Variants in CCDC186 observed in about 807,000 individuals in gnomAD.
The protein encoded by CCDC186 is coiled-coil domain containing 186, also known as coiled-coil domain-containing protein 186.
A neutral mutation model predicts 113.7 loss-of-function variants in CCDC186; 49 were observed. That is an observed-to-expected ratio of 0.43 (90% CI 0.34 to 0.55). The LOEUF (loss-of-function observed/expected upper bound fraction) is 0.55. Ranked by LOEUF, CCDC186 falls within the 20% of genes least tolerant of loss-of-function variation. The pLI, the probability that CCDC186 is intolerant of heterozygous loss-of-function variation, is 0.02. For synonymous variants in CCDC186, 355 were observed against 345.8 expected, an observed-to-expected ratio of 1.03 and a Z score of -0.30; for missense variants, 890 against 1,011.1, an observed-to-expected ratio of 0.88 and a Z score of 1.62.
intron 1 of CCDC186, among the ~76,000 whole-genome samples, chr10:114,170,606 G>A (rs924046690): frequency 6.6e-6 from 1 of 152,144 alleles, no homozygotes; most frequent in African/African-American, 2.4e-5. Context: ...TTACAGATGT[G>A]AGCCACCATG....
At chr10:114,153,975 TG>T (rs1181762432) in intron 3 of CCDC186, among the ~76,000 whole-genome samples, 5 of 150,418 alleles carry the variant, frequency 3.3e-5, no homozygotes. Context: ...TTTGGGAGGC[TG>T]AGGCAGGTGG....
rs995943094 is a variant in CCDC186 at position 114,122,995 on chromosome 10, G to A, written c.*2148C>T. The A allele has an allele frequency of 2.0e-5, 3 of 152,290 alleles. No homozygotes were observed. In the South Asian group the frequency reaches 6.2e-4, roughly 32 times the overall value. 9.4% of individuals were successfully genotyped at this position (152,290 alleles called of 1,614,324 possible). On this transcript the variant is annotated 3_prime_UTR_variant, in exon 16 of 16. Transcript: ENST00000369287. Reference sequence around the variant, plus strand: ...CTAAAATGTATATACATTTTAAAGTGTATAGGCATAGGATACTATGGATCA... The same window carrying A: ...CTAAAATGTATATACATTTTAAAGTATATAGGCATAGGATACTATGGATCA...
Position 114,132,097 on chromosome 10 carries a change from A to G in CCDC186, c.1743T>C (p.Ser581=). The G allele has an allele frequency of 1.9e-6, 3 of 1,613,464 alleles. No individual in the cohort carries two copies. Among genetic ancestry groups the G allele is most frequent in the Non-Finnish European group, 1.7e-6 (2 of 1,179,748 alleles). ...INDLQKDIEG[S]RKRESELLLF... Reference sequence around the variant, plus strand: ...GCAGCAGCTCAGATTCTCTTTTCCTACTGCCTTCGATGTCTTTTTGTAGGT... The same window carrying G: ...GCAGCAGCTCAGATTCTCTTTTCCTGCTGCCTTCGATGTCTTTTTGTAGGT... Residue 581 remains serine (S), a synonymous_variant, in exon 11 of 16, where the codon AGT becomes AGC. Coordinates refer to ENST00000369287, the MANE Select transcript of CCDC186 (RefSeq NM_018017.4).
At chr10:114,164,106 A>G (rs370396533) in intron 1 of CCDC186, among the ~76,000 whole-genome samples, 1,548 of 66,202 alleles carry the variant, frequency 0.023, 33 homozygotes, top group African/African-American at 0.08. Flanking sequence ...GTGTGTGTAT[A>G]TATATATATT....
At chr10:114,134,565 C>A (rs2031194831) in intron 10 of CCDC186, among the ~76,000 whole-genome samples, 1 of 152,166 alleles carries the variant, frequency 6.6e-6, no homozygotes, top group African/African-American at 2.4e-5. Flanking sequence ...GGATCTTAAG[C>A]TACACACGTG....
At position 114,162,733 on chromosome 10, in the gene CCDC186, C is replaced by T. The variant is rs12782946; in HGVS notation, c.536G>A (p.Arg179Gln). 0.073 allele frequency: 118,332 copies of T among 1,613,686 alleles called. 4,984 individuals carry two copies. The highest frequency in any genetic ancestry group is 0.086 in the Non-Finnish European group (101,574 of 1,179,792). Residue 179 changes from arginine (R) to glutamine (Q), a missense_variant, in exon 2 of 16, where the codon CGA (arginine) becomes CAA (glutamine). Coordinates refer to ENST00000369287, the MANE Select transcript of CCDC186 (RefSeq NM_018017.4). Reference protein sequence around the residue: ...ELLSTEFAEHRVPNGMNKGEH... With the variant: ...ELLSTEFAEHQVPNGMNKGEH... ...TCCCTTATTCATTCCATTTGGTACT[C>T]GATGTTCTGCAAACTCCGTAGATAA...
chr10:114,137,320 G>C, intron 6 of CCDC186, 30 bp from the exon 7 acceptor site: 1 of 1,541,778 alleles, frequency 6.5e-7, no homozygotes, highest in African/African-American at 1.4e-5. Context: ...AGACACAGTT[G>C]GGTACAGCAA....
rs1270191512 is a variant in CCDC186 at position 114,123,400 on chromosome 10, A to C, written c.*1743T>G. ...AAAAAAGACATTCATTAAATAATCT[A>C]ATCCTTAGTAAATTATTTTTAAACG... On this transcript the variant is annotated 3_prime_UTR_variant, in exon 16 of 16. Transcript: ENST00000369287. The C allele has an allele frequency of 6.6e-6, 1 of 152,214 alleles. No individual in the cohort carries two copies. Among genetic ancestry groups the C allele is most frequent in the Non-Finnish European group, 1.5e-5 (1 of 68,034 alleles). The allele number at this position is 152,214 out of a possible 1,614,324, so 9.4% of individuals were successfully genotyped here.
chr10:114,137,572 A>C (rs1472789068), intron 6 of CCDC186, among the ~76,000 whole-genome samples: 1 of 152,216 alleles, frequency 6.6e-6, no homozygotes, highest in African/African-American at 2.4e-5. Context: ...CACACATCAA[A>C]GACAATTCTT....
intron 4 of CCDC186, among the ~76,000 whole-genome samples, chr10:114,147,565 T>C (rs1345398114): frequency 2.0e-5 from 3 of 152,162 alleles, no homozygotes; most frequent in African/African-American, 7.2e-5. Flanking sequence ...ATTTGGTGTG[T>C]TGGCTGGAGT....
At chr10:114,127,880 G>A (rs531951905) in intron 13 of CCDC186, among the ~76,000 whole-genome samples, 1 of 152,192 alleles carries the variant, frequency 6.6e-6, no homozygotes, top group Admixed American at 6.5e-5. Flanking sequence ...CTCTCAGGAA[G>A]TGGTAATAGA....
chr10:114,159,535 C>T (rs1215914748), intron 2 of CCDC186, among the ~76,000 whole-genome samples: 2 of 148,364 alleles, frequency 1.3e-5, no homozygotes, highest in African/African-American at 5.0e-5. Context: ...CCCAGCTACT[C>T]AGGAGGCTGA....
Position 114,120,903 on chromosome 10 carries a change from C to A in CCDC186, c.*4240G>T, listed in dbSNP as rs982733918. The A allele has an allele frequency of 6.6e-6, 1 of 152,042 alleles. No individual in the cohort carries two copies. Among genetic ancestry groups the A allele is most frequent in the South Asian group, 2.1e-4 (1 of 4,830 alleles). 9.4% of individuals were successfully genotyped at this position (152,042 alleles called of 1,614,324 possible). ...ACCTATTTAATAAGTACAATATATA[C>A]ATAGAATCCTCTTGAAAAGTTTCAT... On this transcript the variant is annotated 3_prime_UTR_variant, in exon 16 of 16. Transcript: ENST00000369287.
intron 6 of CCDC186, among the ~76,000 whole-genome samples, chr10:114,142,085 T>G (rs925278884): frequency 6.6e-6 from 1 of 152,258 alleles, no homozygotes; most frequent in African/African-American, 2.4e-5. Flanking sequence ...GCAAAGCAAA[T>G]AAGAAGCCCA....
At chr10:114,158,372 A>T (rs2119817660) in intron 2 of CCDC186, among the ~76,000 whole-genome samples, 1 of 152,324 alleles carries the variant, frequency 6.6e-6, no homozygotes, top group East Asian at 1.9e-4. Flanking sequence ...AGTGCTTAGA[A>T]ATGTAAGATG....
chr10:114,158,268 A>G lies in CCDC186; in HGVS notation c.633-588T>C, dbSNP rs145374652. Among the ~76,000 whole-genome samples the G allele has an allele frequency of 2.0e-5, 3 of 152,398 alleles. No individual in the cohort carries two copies. In the East Asian group the frequency reaches 5.8e-4, roughly 29 times the overall value. ...TGATAGTCTAATAGTTATAATGTAC[A>G]GTCAATGTAAAACAGCAAAATAAAA... is the stretch of plus-strand genomic sequence containing the variant. On this transcript the variant is annotated intron_variant, in intron 2 of 15. Transcript: ENST00000369287.
At position 114,173,043 on chromosome 10, in the gene CCDC186, A is replaced by G. The variant is rs2032555692; in HGVS notation, c.-62+972T>C. ...CACCTCTTGAAACCCTGATTTACTG[A>G]ACACCTTAGAAGACAACACCCGGCC... On this transcript the variant is annotated intron_variant, in intron 1 of 15. Coordinates refer to ENST00000369287, the MANE Select transcript of CCDC186 (RefSeq NM_018017.4). The G allele has an allele frequency of 4.3e-5, 13 of 305,734 alleles. 1 individual carries two copies. The highest frequency in any genetic ancestry group is 3.0e-4 in the South Asian group (11 of 36,784). The allele number at this position is 305,734 out of a possible 1,614,324, so 18.9% of individuals were successfully genotyped here. A position where few individuals can be genotyped will look rare whatever the true frequency, so the allele number is the denominator to read the frequency against.
At chr10:114,161,700 C>G (rs2032172190) in intron 2 of CCDC186, 3 of 152,060 alleles carry the variant, frequency 2.0e-5, no homozygotes, top group Admixed American at 2.0e-4. Context: ...GGGGTAATAT[C>G]AAGAAGGGCC....
chr10:114,162,421 AC>A (rs1480906367), intron 2 of CCDC186: 2 of 353,496 alleles, frequency 5.7e-6, no homozygotes, highest in South Asian at 1.1e-4. Flanking sequence ...GCACGTTAAT[AC>A]ATTTACACTA....
Sources: allele counts gnomAD v4.1 joint callset (sites outside exome capture counted in the v4.1 genomes callset), GRCh38; gene constraint gnomAD v4.1.1; transcripts MANE v1.5; gene names NCBI Gene and HGNC (gene_info 2026-07-23, HGNC 2026-07-21).